Variants in ZNF536 observed in about 807,000 individuals in gnomAD.
The protein encoded by ZNF536 is zinc finger protein 536.
A neutral mutation model predicts 84.5 loss-of-function variants in ZNF536; 13 were observed. The ratio of observed to expected loss-of-function variants is 0.15; its 90% CI spans 0.10 to 0.24. ZNF536 has a LOEUF of 0.24. Among genes scored for constraint, ZNF536 ranks in the 10% least tolerant of loss-of-function variants. The pLI, the probability that ZNF536 is intolerant of heterozygous loss-of-function variation, is 1.00. For synonymous variants in ZNF536, 811 were observed against 742.5 expected (o/e 1.09, Z -1.50); for missense variants, 1,536 against 1,747.5 (o/e 0.88, Z 2.16).
chr19:30,634,777 G>C (rs2049006738), intron 1 of ZNF536, among the ~76,000 whole-genome samples: 2 of 152,070 alleles, frequency 1.3e-5, no homozygotes, highest in South Asian at 4.2e-4. Flanking sequence ...TTTCATTTCG[G>C]GAGTGCAGCT....
chr19:30,669,899 C>T (rs190634863), intron 1 of ZNF536, among the ~76,000 whole-genome samples: 218 of 152,318 alleles, frequency 1.4e-3, no homozygotes, highest in African/African-American at 5.0e-3. Context: ...TGGAGGAGTT[C>T]TATGAACTAG....
intron 1 of ZNF536, among the ~76,000 whole-genome samples, chr19:30,437,274 T>C (rs1253176121): frequency 6.6e-6 from 1 of 152,198 alleles, no homozygotes; most frequent in Admixed American, 6.5e-5. Flanking sequence ...GAGTGAAAGA[T>C]ACAATTAGGT....
At chr19:30,277,677 A>G (rs2045286510) in intron 1 of ZNF536, among the ~76,000 whole-genome samples, 1 of 152,248 alleles carries the variant, frequency 6.6e-6, no homozygotes, top group South Asian at 2.1e-4. Context: ...ATACCCACAC[A>G]CACACTCATA....
rs150308952 is a variant in ZNF536, at chr19:30,476,079, T to C, written c.2170+30347T>C. Reference sequence around the variant, plus strand: ...AAGGGCTCGTCTTCTGAAGAACAAATGCGGCTGTTGGTTTTCCCACGTGTT... The same window carrying C: ...AAGGGCTCGTCTTCTGAAGAACAAACGCGGCTGTTGGTTTTCCCACGTGTT... On this transcript the variant is annotated intron_variant, in intron 2 of 4. Transcript: ENST00000355537. Among the ~76,000 whole-genome samples the C allele has an allele frequency of 1.1e-3, 167 of 152,290 alleles. 3 individuals carry two copies. The East Asian group carries it at 0.031, about 28-fold the overall frequency.
At chr19:30,491,196 C>T (rs2054495721) in intron 2 of ZNF536, among the ~76,000 whole-genome samples, 2 of 152,104 alleles carry the variant, frequency 1.3e-5, no homozygotes, top group Admixed American at 1.3e-4. Context: ...ATTTTACTCC[C>T]CATAAACTCC....
chr19:30,392,666 T>G (rs2049646527), intron 1 of ZNF536, among the ~76,000 whole-genome samples: 1 of 152,188 alleles, frequency 6.6e-6, no homozygotes, highest in Non-Finnish European at 1.5e-5. Context: ...TGAGCTAAAA[T>G]TAAGCTCCCA....
At chr19:30,237,306 G>A (rs998284934) in intron 1 of ZNF536, among the ~76,000 whole-genome samples, 9 of 152,184 alleles carry the variant, frequency 5.9e-5, no homozygotes, top group South Asian at 2.1e-4. Context: ...ACAGACTTTC[G>A]CATTGGAATC....
intron 2 of ZNF536, among the ~76,000 whole-genome samples, chr19:30,512,783 G>A (rs1158969095): frequency 6.6e-6 from 1 of 152,126 alleles, no homozygotes; most frequent in African/African-American, 2.4e-5. Flanking sequence ...ATTGGTGTTT[G>A]GTTAATAAAT....
intron 1 of ZNF536, among the ~76,000 whole-genome samples, chr19:30,580,025 C>T (rs762853259): frequency 3.3e-5 from 5 of 152,214 alleles, no homozygotes; most frequent in Admixed American, 6.5e-5. Flanking sequence ...ATTGAGCAGA[C>T]GCAGTTGCTG....
chr19:30,706,581 G>A (rs1406396053), intron 1 of ZNF536, among the ~76,000 whole-genome samples: 3 of 152,098 alleles, frequency 2.0e-5, no homozygotes, highest in South Asian at 2.1e-4. Context: ...CTGGTAAACC[G>A]AGGCAGATTT....
At chr19:30,288,100 A>G (rs1005019116) in intron 2 of ZNF536, among the ~76,000 whole-genome samples, 1 of 152,248 alleles carries the variant, frequency 6.6e-6, no homozygotes, top group Non-Finnish European at 1.5e-5. Flanking sequence ...TGTTATAAAA[A>G]TGTCTTTAAA....
chr19:30,255,965 G>GA lies in ZNF536; in HGVS notation c.-190+27293dup, dbSNP rs977353052. Among the ~76,000 whole-genome samples, 22 of 152,216 alleles carry GA rather than the reference G, an allele frequency of 1.4e-4. 1 individual carries two copies. The highest frequency in any genetic ancestry group is 1.3e-4 in the Admixed American group (2 of 15,278). ...GCATGGAGAGGCATTGGGCTGGGGG[G>GA]AGAGTGCTGGACCCCAGGAGGCCTC... On this transcript the variant is annotated intron_variant, in intron 1 of 5. Coordinates refer to the ZNF536 transcript ENST00000585628.
At chr19:30,430,601 C>G (rs1030175220) in intron 1 of ZNF536, among the ~76,000 whole-genome samples, 1 of 152,204 alleles carries the variant, frequency 6.6e-6, no homozygotes, top group Non-Finnish European at 1.5e-5. Flanking sequence ...TTACTAGGCA[C>G]AGGGGCAAGG....
At chr19:30,662,962 CTTTTTTTTTTTTTT>C (rs951081577) in intron 1 of ZNF536, among the ~76,000 whole-genome samples, 1 of 78,772 alleles carries the variant, frequency 1.3e-5, no homozygotes, top group African/African-American at 4.9e-5. Flanking sequence ...TTTTTCGTTT[CTTTTTTTTTTTTTT>C]TTTTTTTTTT....
At chr19:30,617,918 G>T (rs1356804378) in intron 1 of ZNF536, among the ~76,000 whole-genome samples, 2 of 152,170 alleles carry the variant, frequency 1.3e-5, no homozygotes, top group African/African-American at 4.8e-5. Flanking sequence ...TTCCATGTGA[G>T]CAAAATGTGG....
At chr19:30,657,592 A>G (rs1182686215) in intron 1 of ZNF536, among the ~76,000 whole-genome samples, 3 of 151,396 alleles carry the variant, frequency 2.0e-5, no homozygotes, top group Non-Finnish European at 4.4e-5. Flanking sequence ...TTCCCCCTGC[A>G]CTCTCTTCCT....
intron 2 of ZNF536, among the ~76,000 whole-genome samples, chr19:30,284,303 C>T (rs780651094): frequency 1.3e-5 from 2 of 152,156 alleles, no homozygotes; most frequent in Non-Finnish European, 2.9e-5. Flanking sequence ...ATCTTGTGGG[C>T]GGGGTGAACT....
chr19:30,228,029 G>A (rs1188965372), upstream of ZNF536, among the ~76,000 whole-genome samples: 2 of 152,176 alleles, frequency 1.3e-5, no homozygotes, highest in Non-Finnish European at 2.9e-5. This position sits in a 1 kb window ranked among gnomAD's most constrained non-coding sequence, Gnocchi z 4.5. Context: ...TGAACTTGGG[G>A]TGGGGTGTGC....
intron 1 of ZNF536, among the ~76,000 whole-genome samples, chr19:30,239,518 G>A (rs1199524413): frequency 1.3e-5 from 2 of 152,224 alleles, no homozygotes; most frequent in Non-Finnish European, 2.9e-5. Context: ...GGCGGTTGGA[G>A]AATCGACAGT....
Sources: allele counts gnomAD v4.1 joint callset (sites outside exome capture counted in the v4.1 genomes callset), GRCh38; gene constraint gnomAD v4.1.1; non-coding constraint Gnocchi (gnomAD v3.1); transcripts MANE v1.5; gene names NCBI Gene and HGNC (gene_info 2026-07-23, HGNC 2026-07-21).